THSD7A: variants seen among roughly 807,000 people sequenced by gnomAD.
THSD7A encodes the protein thrombospondin type-1 domain-containing protein 7A.
THSD7A carries 96 observed loss-of-function variants against 231.3 expected under a neutral mutation model. The observed-to-expected ratio is 0.41, with a 90% CI of 0.35 to 0.49. The LOEUF (loss-of-function observed/expected upper bound fraction) is 0.49. Among genes scored for constraint, THSD7A ranks in the 20% least tolerant of loss-of-function variants. The pLI is 0.05. For synonymous variants in THSD7A, 940 were observed against 743.3 expected, an observed-to-expected ratio of 1.26 and a Z score of -4.30; for missense variants, 2,290 against 2,070.2, an observed-to-expected ratio of 1.11 and a Z score of -2.06.
intron 6 of THSD7A, among the ~76,000 whole-genome samples, chr7:11,512,686 C>G (rs190481331): frequency 1.7e-4 from 25 of 148,366 alleles, no homozygotes; most frequent in African/African-American, 6.0e-4. Flanking sequence ...GGACAGAAAA[C>G]CAAACACCAC....
At chr7:11,829,025 G>A (rs187313193) in intron 1 of THSD7A, among the ~76,000 whole-genome samples, 5 of 151,882 alleles carry the variant, frequency 3.3e-5, no homozygotes, top group East Asian at 1.9e-4. Flanking sequence ...TCTCTTCCTC[G>A]TGATTTTCCA....
chr7:11,576,211 T>C (rs1377983395), intron 4 of THSD7A, among the ~76,000 whole-genome samples: 2 of 151,838 alleles, frequency 1.3e-5, no homozygotes, highest in African/African-American at 4.9e-5. Context: ...TCCTCATCCA[T>C]TTATTCTTAA....
chr7:11,674,235 G>C (rs1259926429), intron 1 of THSD7A, among the ~76,000 whole-genome samples: 1 of 152,106 alleles, frequency 6.6e-6, no homozygotes, highest in Non-Finnish European at 1.5e-5. Flanking sequence ...AATGGATTTA[G>C]AAAGGGGGTC....
At chr7:11,557,199 G>C (rs1789882130) in intron 4 of THSD7A, among the ~76,000 whole-genome samples, 1 of 151,616 alleles carries the variant, frequency 6.6e-6, no homozygotes, top group Non-Finnish European at 1.5e-5. Context: ...AGGTAATTTT[G>C]ATTATTCTGT....
intron 1 of THSD7A, among the ~76,000 whole-genome samples, chr7:11,791,309 T>C (rs1395342738): frequency 3.3e-5 from 5 of 152,142 alleles, no homozygotes; most frequent in South Asian, 2.1e-4. Context: ...TACTTGGCAA[T>C]TGGCATTTGC....
Position 11,590,685 on chromosome 7 carries a change from T to G in THSD7A, c.1272-44A>C, listed in dbSNP as rs1156826242. The G allele has an allele frequency of 6.4e-7, 1 of 1,550,566 alleles. No individual in the cohort carries two copies. The stretch of plus-strand genomic sequence containing the variant: ...ACCAGCAGCAACCATAATTATTGAA[T>G]GACGTGTTTCTCTACTCCTGTCATA... On this transcript the variant is annotated intron_variant, in intron 3 of 27. Coordinates refer to ENST00000423059, the MANE Select transcript of THSD7A (RefSeq NM_015204.3). This position sits in a 1 kb window ranked among gnomAD's most constrained non-coding sequence, Gnocchi z 4.4.
intron 23 of THSD7A, among the ~76,000 whole-genome samples, chr7:11,389,359 G>A (rs761524033): frequency 1.0e-4 from 14 of 138,968 alleles, no homozygotes; most frequent in East Asian, 4.5e-4. Context: ...GCCCTTCTTC[G>A]TCTCTTTTGA....
intron 1 of THSD7A, among the ~76,000 whole-genome samples, chr7:11,768,638 G>A (rs1783104256): frequency 6.6e-6 from 1 of 152,142 alleles, no homozygotes; most frequent in Non-Finnish European, 1.5e-5. Flanking sequence ...ACTAAGGACA[G>A]TGAGTTCACA....
At chr7:11,817,882 T>TAC (rs71669301) in intron 1 of THSD7A, among the ~76,000 whole-genome samples, 44,189 of 151,332 alleles carry the variant, frequency 0.29, 6,808 homozygotes, top group East Asian at 0.51. Flanking sequence ...TTTTACTGAC[T>TAC]ACACACACAC....
intron 6 of THSD7A, among the ~76,000 whole-genome samples, chr7:11,493,154 T>C (rs1455464072): frequency 1.3e-5 from 2 of 152,162 alleles, no homozygotes; most frequent in African/African-American, 4.8e-5. Flanking sequence ...AAAGCATCAT[T>C]AGCTTGTTGA....
At chr7:11,799,035 G>A (rs1304226292) in intron 1 of THSD7A, among the ~76,000 whole-genome samples, 6 of 151,880 alleles carry the variant, frequency 4.0e-5, no homozygotes, top group Middle Eastern at 6.8e-3. Flanking sequence ...TGATTCTCCC[G>A]CTTCAGACTC....
rs1781921537 is a variant in THSD7A, at chr7:11,637,666, T to C, written c.191-705A>G. 6.6e-6 allele frequency among the ~76,000 whole-genome samples: 1 copy of C among 152,186 alleles called. No homozygotes were observed. The highest frequency in any genetic ancestry group is 1.5e-5 in the Non-Finnish European group (1 of 68,030). The stretch of plus-strand genomic sequence containing the variant: ...CTAAAAGACTTTTGCAATTTTCTAA[T>C]CATTGAGAGGTTATTTGGGGTCTTA... On this transcript the variant is annotated intron_variant, in intron 1 of 27. Transcript: ENST00000423059. This position sits in a 1 kb window ranked among gnomAD's most constrained non-coding sequence, Gnocchi z 4.2.
intron 11 of THSD7A, among the ~76,000 whole-genome samples, chr7:11,448,434 A>G (rs1029495439): frequency 2.0e-5 from 3 of 152,094 alleles, no homozygotes; most frequent in African/African-American, 7.2e-5. Flanking sequence ...GCTTCACTGA[A>G]TTATCTTAAA....
chr7:11,761,611 ACTT>A (rs1464591966), intron 1 of THSD7A, among the ~76,000 whole-genome samples: 2 of 152,108 alleles, frequency 1.3e-5, no homozygotes, highest in Non-Finnish European at 2.9e-5. Context: ...AGTTTGTAGT[ACTT>A]CTTATCATTT....
chr7:11,563,732 A>G (rs907215295), intron 4 of THSD7A, among the ~76,000 whole-genome samples: 5 of 152,172 alleles, frequency 3.3e-5, no homozygotes, highest in South Asian at 2.1e-4. Flanking sequence ...GGAAGCATAC[A>G]TGAATTGTAC....
intron 13 of THSD7A, among the ~76,000 whole-genome samples, chr7:11,433,056 C>G (rs80179887): frequency 0.1 from 15,779 of 151,900 alleles, 1,230 homozygotes; most frequent in African/African-American, 0.22. Context: ...GAAGATGCCA[C>G]TGCTAAGTTT....
chr7:11,412,129 G>A (rs1023576172), intron 18 of THSD7A, among the ~76,000 whole-genome samples: 1 of 151,970 alleles, frequency 6.6e-6, no homozygotes, highest in African/African-American at 2.4e-5. Flanking sequence ...TGAGTTTTAG[G>A]GGAAAAATGC....
intron 14 of THSD7A, 57 bp from the exon 15 acceptor site, chr7:11,426,728 T>A: frequency 1.3e-6 from 2 of 1,518,418 alleles, no homozygotes; most frequent in Non-Finnish European, 1.8e-6. Flanking sequence ...TAGGTGAAAA[T>A]GTCAGTATGC....
chr7:11,382,567 A>G lies in THSD7A; in HGVS notation c.4461T>C (p.Ser1487=). The G allele has an allele frequency of 6.2e-7, 1 of 1,613,050 alleles. No homozygotes were observed. The change falls in exon 24 of 28, where the codon TCT becomes TCC. Residue 1487 remains serine, a synonymous_variant. Coordinates refer to ENST00000423059, the MANE Select transcript of THSD7A (RefSeq NM_015204.3). ...YKWMASAWKG[S]SRTVWCQRSD... ...ACCTTTGACACCACACTGTTCGGGA[A>G]GAGCCCTTCCAAGCACTGGCCATCC... is the stretch of plus-strand genomic sequence containing the variant.
Sources: allele counts gnomAD v4.1 joint callset (sites outside exome capture counted in the v4.1 genomes callset), GRCh38; gene constraint gnomAD v4.1.1; non-coding constraint Gnocchi (gnomAD v3.1); transcripts MANE v1.5; gene names NCBI Gene and HGNC (gene_info 2026-07-23, HGNC 2026-07-21).